MAB21L3: variants seen among roughly 807,000 people sequenced by gnomAD.
The protein encoded by MAB21L3 is mab-21 like 3, also known as protein mab-21-like 3.
MAB21L3 carries 36 observed loss-of-function variants against 37.7 expected under a neutral mutation model. The ratio of observed to expected loss-of-function variants is 0.96; its 90% confidence interval spans 0.73 to 1.26. The LOEUF is 1.26. Among genes scored for constraint, MAB21L3 ranks in the 50% most tolerant of loss-of-function variants. MAB21L3 has a pLI of 0.00. For missense variants in MAB21L3, 430 were observed against 447.3 expected (o/e 0.96, Z 0.35); for synonymous variants, 186 against 176.8 (o/e 1.05, Z -0.41).
chr1:116,129,124 T>C (rs895829367), intron 7 of MAB21L3, among the ~76,000 whole-genome samples: 1 of 152,100 alleles, frequency 6.6e-6, no homozygotes, highest in Non-Finnish European at 1.5e-5. Flanking sequence ...TAGACATGGG[T>C]CAGGCAAGCC....
chr1:116,122,725 G>C (rs1659787709), intron 4 of MAB21L3, among the ~76,000 whole-genome samples: 1 of 152,112 alleles, frequency 6.6e-6, no homozygotes, highest in African/African-American at 2.4e-5. Flanking sequence ...ACCATGCCTG[G>C]TTAATTTTTT....
chr1:116,127,832 A>G (rs768535700), intron 6 of MAB21L3, among the ~76,000 whole-genome samples, 188 bp downstream of exon 6: 4 of 151,988 alleles, frequency 2.6e-5, no homozygotes, highest in African/African-American at 4.8e-5. Context: ...CCGAGCCCCC[A>G]CTCTGGACCT....
chr1:116,123,989 C>A, intron 4 of MAB21L3, 77 bp from the exon 5 acceptor site: 1 of 1,457,838 alleles, frequency 6.9e-7, no homozygotes, highest in Non-Finnish European at 9.3e-7. Flanking sequence ...CCTGACGAGA[C>A]AGGTTGGTTC....
intron 7 of MAB21L3, among the ~76,000 whole-genome samples, chr1:116,130,049 C>T (rs1660030448): frequency 6.6e-6 from 1 of 152,216 alleles, no homozygotes; most frequent in Non-Finnish European, 1.5e-5. Flanking sequence ...ATACAGGCCA[C>T]ACTAGAAGAG....
intron 3 of MAB21L3, among the ~76,000 whole-genome samples, chr1:116,113,911 C>T (rs917721645): frequency 6.6e-6 from 1 of 152,072 alleles, no homozygotes; most frequent in Non-Finnish European, 1.5e-5. Flanking sequence ...CACGTGTGTC[C>T]CCTACTCCAT....
chr1:116,120,382 T>A (rs1051233688), intron 3 of MAB21L3, among the ~76,000 whole-genome samples: 4 of 135,354 alleles, frequency 3.0e-5, no homozygotes, highest in Admixed American at 2.7e-4. Flanking sequence ...ATGGGACTTA[T>A]CATACTTGAT....
At chr1:116,112,918 A>T (rs1659471006) in intron 3 of MAB21L3, among the ~76,000 whole-genome samples, 1 of 152,084 alleles carries the variant, frequency 6.6e-6, no homozygotes, top group Non-Finnish European at 1.5e-5. Context: ...ATGAGGGGGA[A>T]CTCCAGCTCT....
intron 4 of MAB21L3, among the ~76,000 whole-genome samples, chr1:116,122,263 T>C (rs80078051): frequency 0.027 from 4,188 of 152,298 alleles, 208 homozygotes; most frequent in African/African-American, 0.092. Context: ...GTGAAAATTA[T>C]AAAACCAGAC....
At chr1:116,116,490 A>C (rs533629063) in intron 3 of MAB21L3, among the ~76,000 whole-genome samples, 2 of 152,006 alleles carry the variant, frequency 1.3e-5, no homozygotes, top group East Asian at 1.9e-4. Context: ...GAGACCTAGG[A>C]CTCCTTATTT....
At chr1:116,116,771 A>G (rs377471666) in intron 3 of MAB21L3, among the ~76,000 whole-genome samples, 2 of 152,178 alleles carry the variant, frequency 1.3e-5, no homozygotes. Flanking sequence ...AGCAGAAGTG[A>G]TGGAGGAAGA....
At position 116,121,081 on chromosome 1, in the gene MAB21L3, G is replaced by T. The variant is rs1298778175; in HGVS notation, c.189+9G>T. The T allele has an allele frequency of 3.7e-6, 6 of 1,611,202 alleles. No homozygotes were observed. The South Asian group carries it at 6.6e-5, about 18-fold the overall frequency. ...ACAATGAAAATATTAAGGTAAGCAAGTCTTGCTGTCTCTAAGTGCCACCAA... is the reference window on the plus strand; with the variant it reads ...ACAATGAAAATATTAAGGTAAGCAATTCTTGCTGTCTCTAAGTGCCACCAA... On this transcript the variant is annotated intron_variant, in intron 4 of 7. Transcript: ENST00000369500.
At chr1:116,128,630 T>C (rs1659978858) in intron 7 of MAB21L3, among the ~76,000 whole-genome samples, 1 of 152,178 alleles carries the variant, frequency 6.6e-6, no homozygotes, top group Non-Finnish European at 1.5e-5. Context: ...CTCTCACTTT[T>C]ATTTTACCCA....
chr1:116,128,308 A>C lies in MAB21L3; in HGVS notation c.824A>C (p.Asn275Thr), dbSNP rs1314756607. Residue 275 changes from asparagine to threonine, a missense_variant, in exon 7 of 8, where the codon AAC becomes ACC. By Grantham distance (65) the Asn-to-Thr change is moderately conservative. Transcript: ENST00000369500. ...AAGGAGGACATCTGGTGCCCAGGGA[A>C]CAGGCCGGTTATCACGTCCCACCAT... The part of the protein sequence containing the change: ...HLKEDIWCPG[N>T]RPVITSHHLQ... 1.3e-5 allele frequency: 21 copies of C among 1,613,352 alleles called. No individual in the cohort carries two copies. The highest frequency in any genetic ancestry group is 1.7e-5 in the Non-Finnish European group (20 of 1,179,936).
Position 116,135,958 on chromosome 1 carries a change from G to A in MAB21L3, c.*2593G>A, listed in dbSNP as rs1017152301. On this transcript the variant is annotated 3_prime_UTR_variant, in exon 8 of 8. Coordinates refer to ENST00000369500, the MANE Select transcript of MAB21L3 (RefSeq NM_152367.3). ...CATGCTAAAAACTCTCAATAAATTAGGTATTGATGGGACGTATTTCAAAAT... is the reference window on the plus strand; with the variant it reads ...CATGCTAAAAACTCTCAATAAATTAAGTATTGATGGGACGTATTTCAAAAT... Among the ~76,000 whole-genome samples, 6 of 151,038 alleles carry A rather than the reference G, an allele frequency of 4.0e-5. No individual in the cohort carries two copies. Among genetic ancestry groups the A allele is most frequent in the African/African-American group, 1.5e-4 (6 of 40,664 alleles).
At chr1:116,121,809 T>A (rs1659758112) in intron 4 of MAB21L3, among the ~76,000 whole-genome samples, 1 of 152,226 alleles carries the variant, frequency 6.6e-6, no homozygotes, top group Non-Finnish European at 1.5e-5. Context: ...AGAAACGACC[T>A]TACTTAAACC....
At chr1:116,123,913 A>G in intron 4 of MAB21L3, 153 bp from the exon 5 acceptor site, 3 of 674,848 alleles carry the variant, frequency 4.4e-6, no homozygotes, top group Non-Finnish European at 7.6e-6. Flanking sequence ...ATCCACTTGT[A>G]ACACCCAGGT....
In MAB21L3 at chr1:116,133,341, G is replaced by T; in HGVS notation, c.1065G>T (p.Lys355Asn). 1 of 1,614,208 alleles carries T rather than the reference G, an allele frequency of 6.2e-7. No individual in the cohort carries two copies. Among genetic ancestry groups the T allele is most frequent in the Non-Finnish European group, 8.5e-7 (1 of 1,180,044 alleles). ...CCCAAAAGCTGGCCACCTTCCTGAA[G>T]AACCCCCAGATCGGCCCGCCCTGAT... ...TVAQKLATFL[K>N]NPQIGPP The change falls in exon 8 of 8, where the codon AAG becomes AAT. Residue 355 changes from lysine to asparagine, a missense_variant. Coordinates refer to ENST00000369500, the MANE Select transcript of MAB21L3 (RefSeq NM_152367.3).
intron 3 of MAB21L3, 132 bp from the exon 4 acceptor site, chr1:116,120,800 G>A: frequency 8.9e-7 from 1 of 1,128,060 alleles, no homozygotes; most frequent in Non-Finnish European, 1.3e-6. Context: ...CCGGCATCTT[G>A]GGAAGGCAGG....
At chr1:116,122,730 T>C (rs11806735) in intron 4 of MAB21L3, among the ~76,000 whole-genome samples, 8,421 of 152,228 alleles carry the variant, frequency 0.055, 307 homozygotes, top group East Asian at 0.14. Context: ...GCCTGGTTAA[T>C]TTTTTTATTT....
Sources: allele counts gnomAD v4.1 joint callset (sites outside exome capture counted in the v4.1 genomes callset), GRCh38; gene constraint gnomAD v4.1.1; transcripts MANE v1.5; gene names NCBI Gene and HGNC (gene_info 2026-07-23, HGNC 2026-07-21).